Variants in CHRDL2 observed in about 807,000 individuals in gnomAD.
CHRDL2 encodes the protein chordin like 2.
In CHRDL2, 41 loss-of-function variants were observed where a neutral mutation model predicts 54.3. The observed-to-expected ratio is 0.76, with a 90% CI of 0.59 to 0.98. The LOEUF is 0.98. CHRDL2 is among the 50% of genes least tolerant of loss of function. The probability of loss-of-function intolerance (pLI) is 0.00; values close to 1 mark genes in which losing one functional copy is unlikely to be tolerated. For synonymous variants in CHRDL2, 220 were observed against 224.3 expected, an observed-to-expected ratio of 0.98 and a Z score of 0.17; for missense variants, 518 against 562.4, an observed-to-expected ratio of 0.92 and a Z score of 0.80.
chr11:74,712,375 AG>A lies in CHRDL2; in HGVS notation c.289+1010del, dbSNP rs1199580200. Among the ~76,000 whole-genome samples, 5 of 152,194 alleles carry A rather than the reference AG, an allele frequency of 3.3e-5. No homozygotes were observed. In the East Asian group the frequency reaches 7.8e-4, roughly 24 times the overall value. ...ACAGGGGCAGGGGATGGGAAGAGAG[AG>A]GGAGTGAAGAGTGTTTTAGCAACAA... On this transcript the variant is annotated intron_variant, in intron 3 of 10. Transcript: ENST00000376332.
At chr11:74,721,612 G>C (rs755414591) in intron 1 of CHRDL2, among the ~76,000 whole-genome samples, 2 of 152,272 alleles carry the variant, frequency 1.3e-5, no homozygotes, top group Non-Finnish European at 2.9e-5. Flanking sequence ...GGCCATGCCA[G>C]AACCAAGCAG....
intron 9 of CHRDL2, chr11:74,701,773 T>G (rs2033820081): frequency 1.8e-6 from 1 of 552,944 alleles, no homozygotes; most frequent in Non-Finnish European, 3.3e-6. Flanking sequence ...ATTGTCATTT[T>G]TCTTATCATC....
At chr11:74,697,056 C>T in intron 10 of CHRDL2, 149 bp downstream of exon 10, 1 of 626,110 alleles carries the variant, frequency 1.6e-6, no homozygotes, top group Non-Finnish European at 2.8e-6. Flanking sequence ...CTGGCGCAGA[C>T]ACCCGCTGGA....
At chr11:74,719,088 C>T (rs1010098749) in intron 1 of CHRDL2, 64 of 442,940 alleles carry the variant, frequency 1.4e-4, no homozygotes, top group Non-Finnish European at 2.0e-5. Context: ...TCTCACAGGG[C>T]AGTTAGGGAA....
At chr11:74,721,322 T>G (rs907675862) in intron 1 of CHRDL2, among the ~76,000 whole-genome samples, 1 of 152,194 alleles carries the variant, frequency 6.6e-6, no homozygotes, top group Non-Finnish European at 1.5e-5. Context: ...CTCCCTTCCT[T>G]GGGGCAGCCC....
intron 2 of CHRDL2, 86 bp from the exon 3 acceptor site, chr11:74,713,565 C>G: frequency 1.0e-6 from 1 of 1,001,388 alleles, no homozygotes; most frequent in East Asian, 2.5e-5. Flanking sequence ...CCCACCCCAA[C>G]TGCAGAAGTC....
In CHRDL2 at chr11:74,713,459, G is replaced by A; in HGVS notation, c.216C>T (p.Tyr72=). 6.2e-7 allele frequency: 1 copy of A among 1,614,140 alleles called. No individual in the cohort carries two copies. Among genetic ancestry groups the A allele is most frequent in the African/African-American group, 1.3e-5 (1 of 75,044 alleles). The change falls in exon 3 of 11, where the codon TAC becomes TAT. Residue 72 remains tyrosine, a synonymous_variant. Coordinates refer to ENST00000376332, the MANE Select transcript of CHRDL2 (RefSeq NM_001278473.3). ...AGTGGACAGGCGGACAGTGGAGGCG[G>A]TAACAACTCACATGGGCGCCCTGAA... ...TCSEGAHVSC[Y]RLHCPPVHCP...
At chr11:74,697,155 G>A (rs768214716) in intron 10 of CHRDL2, 50 bp downstream of exon 10, 3 of 1,470,068 alleles carry the variant, frequency 2.0e-6, no homozygotes, top group Non-Finnish European at 2.8e-6. Context: ...TCTGGCCCGT[G>A]TCCTTGCCTT....
At chr11:74,709,549 C>T (rs182241721) in intron 4 of CHRDL2, among the ~76,000 whole-genome samples, 1 of 152,352 alleles carries the variant, frequency 6.6e-6, no homozygotes. Context: ...GGCTCACACC[C>T]TGCAAAAGGT....
At chr11:74,721,102 C>T (rs1469614292) in intron 1 of CHRDL2, among the ~76,000 whole-genome samples, 1 of 152,210 alleles carries the variant, frequency 6.6e-6, no homozygotes, top group African/African-American at 2.4e-5. Flanking sequence ...GCCCGGCTGG[C>T]CCGTATCAAA....
At chr11:74,717,883 C>T (rs2034405088) in intron 2 of CHRDL2, among the ~76,000 whole-genome samples, 1 of 152,122 alleles carries the variant, frequency 6.6e-6, no homozygotes, top group Non-Finnish European at 1.5e-5. Flanking sequence ...TGAGCTAAAG[C>T]CAAGGGTTTT....
rs146704420 is a variant in CHRDL2, at chr11:74,704,604, C to T, written c.633G>A (p.Pro211=). The T allele has an allele frequency of 4.7e-5, 76 of 1,602,460 alleles. No homozygotes were observed. The highest frequency in any genetic ancestry group is 6.8e-5 in the East Asian group (3 of 44,248). Residue 211 remains proline, a synonymous_variant, in exon 7 of 11, where the codon CCG becomes CCA. Transcript: ENST00000376332. ...CSSDAGRKRG[P]GTPAPTGLSA... is the part of the protein sequence containing the mutation. Reference sequence around the variant, plus strand: ...TGAGGCCAGTGGGGGCTGGGGTGCCCGGGCCTCTCTTTCTCCCAGCATCAC... The same window carrying T: ...TGAGGCCAGTGGGGGCTGGGGTGCCTGGGCCTCTCTTTCTCCCAGCATCAC...
intron 5 of CHRDL2, among the ~76,000 whole-genome samples, chr11:74,707,790 C>T (rs555223385): frequency 2.6e-5 from 4 of 152,228 alleles, no homozygotes; most frequent in Admixed American, 2.6e-4. Flanking sequence ...ATCCCCTGCG[C>T]CCACTCCTTA....
chr11:74,728,144 G>A (rs2034599200), intron 1 of CHRDL2, among the ~76,000 whole-genome samples: 1 of 152,210 alleles, frequency 6.6e-6, no homozygotes, highest in Non-Finnish European at 1.5e-5. Context: ...GAACCAAAGA[G>A]AGAATACTTT....
chr11:74,710,553 G>C (rs1213554039), intron 4 of CHRDL2, among the ~76,000 whole-genome samples: 1 of 152,096 alleles, frequency 6.6e-6, no homozygotes, highest in Non-Finnish European at 1.5e-5. Flanking sequence ...TTGTGCTTTA[G>C]GCCCTGGACT....
chr11:74,710,799 TGC>T (rs2034163746), intron 4 of CHRDL2, 48 bp downstream of exon 4: 1 of 1,594,388 alleles, frequency 6.3e-7, no homozygotes, highest in African/African-American at 1.3e-5. Context: ...CTATGTTCTT[TGC>T]AGGCCCAGAG....
At position 74,718,822 on chromosome 11, in the gene CHRDL2, C is replaced by T. The variant is rs748631153; in HGVS notation, c.93G>A (p.Met31Ile). 1.2e-6 allele frequency: 2 copies of T among 1,610,320 alleles called. No homozygotes were observed. Among genetic ancestry groups the T allele is most frequent in the South Asian group, 1.1e-5 (1 of 90,128 alleles). ...ATCTCTTCCCATGGAAAAGGCAGAA[C>T]ATGTCTGGGCCTGGCAAACCGACCA... ...LDSHARARPD[M>I]FCLFHGKRYS... is the part of the protein sequence containing the mutation. Residue 31 changes from methionine to isoleucine, a missense_variant, in exon 2 of 11, where the codon ATG (methionine) becomes ATA (isoleucine). Physicochemically the swap from Met to Ile is conservative, Grantham distance 10. Transcript: ENST00000376332.
intron 9 of CHRDL2, 71 bp downstream of exon 9, chr11:74,702,723 C>T: frequency 1.9e-6 from 3 of 1,554,966 alleles, no homozygotes; most frequent in South Asian, 1.1e-5. Flanking sequence ...CCTAAGGCCC[C>T]TGTGGGGTCT....
chr11:74,730,787 C>G lies in CHRDL2; in HGVS notation c.82+20G>C. The G allele has an allele frequency of 6.3e-7, 1 of 1,597,716 alleles. No homozygotes were observed. The highest frequency in any genetic ancestry group is 8.5e-7 in the Non-Finnish European group (1 of 1,172,408). On this transcript the variant is annotated intron_variant, in intron 1 of 10. Coordinates refer to ENST00000376332, the MANE Select transcript of CHRDL2 (RefSeq NM_001278473.3). ...GGGCCGCATCCCTCCTCTGCCCACC[C>G]AGCCTCCCGGTCTACTTACGGGCTC...
Sources: gnomAD v4.1 joint callset for allele counts (sites outside exome capture counted in the v4.1 genomes callset) on GRCh38, gnomAD v4.1.1 for gene constraint, MANE v1.5 for transcripts, NCBI Gene and HGNC (gene_info 2026-07-23, HGNC 2026-07-21) for gene names.